Variants in CYP4X1 observed in about 807,000 individuals in gnomAD.
CYP4X1 encodes the protein cytochrome P450 4X1.
In CYP4X1, 44 loss-of-function variants were observed where a neutral mutation model predicts 57.9. The ratio of observed to expected loss-of-function variants is 0.76; its 90% CI spans 0.60 to 0.98. The LOEUF (loss-of-function observed/expected upper bound fraction) is 0.98, where lower values mean the gene tolerates loss of function less well. CYP4X1 is among the 50% of genes least tolerant of loss of function. The pLI, the probability that CYP4X1 is intolerant of heterozygous loss-of-function variation, is 0.00. For missense variants in CYP4X1, 532 were observed against 623.9 expected (o/e 0.85, Z 1.57); for synonymous variants, 227 against 228.6 (o/e 0.99, Z 0.06).
chr1:46,976,931 C>G, the CYP4X1 span, among the ~76,000 whole-genome samples: 1 of 152,014 alleles, frequency 6.6e-6, no homozygotes, highest in African/African-American at 2.4e-5. Flanking sequence ...GCATCAACAT[C>G]AACAAAAAGG....
At chr1:47,013,446 A>G in the CYP4X1 span, among the ~76,000 whole-genome samples, 3 of 152,346 alleles carry the variant, frequency 2.0e-5, no homozygotes, top group South Asian at 4.1e-4. Flanking sequence ...TTCCTGGCAC[A>G]TAGTAAGAGT....
the CYP4X1 span, among the ~76,000 whole-genome samples, chr1:46,965,061 G>A: frequency 2.1e-4 from 32 of 152,202 alleles, no homozygotes; most frequent in African/African-American, 6.8e-4. Flanking sequence ...TAGTCTCCTG[G>A]TGTGCCATTT....
chr1:47,019,488 C>T (rs1461368155), upstream of CYP4X1, among the ~76,000 whole-genome samples: 2 of 152,254 alleles, frequency 1.3e-5, no homozygotes, highest in Admixed American at 6.5e-5. Flanking sequence ...TATAAGGGCA[C>T]TGGCTCTATC....
At chr1:46,999,755 CT>C in the CYP4X1 span, among the ~76,000 whole-genome samples, 90,496 of 147,206 alleles carry the variant, frequency 0.61, 28,530 homozygotes, top group Non-Finnish European at 0.71. Context: ...AACTCTTTTT[CT>C]TTTTTTTTTT....
At position 47,046,543 on chromosome 1, in the gene CYP4X1, A is replaced by G. The variant is rs1400604766; in HGVS notation, c.1150A>G (p.Ile384Val). The G allele has an allele frequency of 4.3e-6, 7 of 1,613,992 alleles. No individual in the cohort carries two copies. The highest frequency in any genetic ancestry group is 3.3e-5 in the South Asian group (3 of 91,076). ...TCRLIPAVPS[I>V]SRDLSKPLTF... ...CCGATTGATTCCTGCAGTCCCGTCC[A>G]TTTCCAGAGATCTCAGCAAGCCACT... Residue 384 changes from isoleucine (I) to valine (V), a missense_variant, in exon 9 of 12, where the codon ATT becomes GTT. By Grantham distance (29) the Ile-to-Val change is conservative. Transcript: ENST00000371901.
chr1:46,980,533 G>A, the CYP4X1 span, among the ~76,000 whole-genome samples: 3 of 152,114 alleles, frequency 2.0e-5, no homozygotes, highest in Admixed American at 1.3e-4. Context: ...AATCAATATC[G>A]TGAAAATGGC....
At chr1:47,029,718 T>C (rs534136907) in intron 1 of CYP4X1, among the ~76,000 whole-genome samples, 2 of 152,294 alleles carry the variant, frequency 1.3e-5, no homozygotes, top group South Asian at 2.1e-4. Context: ...TCACCCTCTA[T>C]TGGGACAAGA....
intron 1 of CYP4X1, 98 bp downstream of exon 1, chr1:47,024,092 C>T (rs1644034857): frequency 1.4e-6 from 2 of 1,431,150 alleles, no homozygotes; most frequent in African/African-American, 2.8e-5. Flanking sequence ...TCTTCCATCC[C>T]TGGGGACCCT....
downstream of CYP4X1, among the ~76,000 whole-genome samples, chr1:47,051,718 A>G (rs1644361146): frequency 6.6e-6 from 1 of 152,162 alleles, no homozygotes; most frequent in African/African-American, 2.4e-5. Flanking sequence ...TTTGTTTAAC[A>G]CTGGACCAGT....
the CYP4X1 span, among the ~76,000 whole-genome samples, chr1:46,989,952 G>T: frequency 2.6e-5 from 4 of 152,182 alleles, no homozygotes; most frequent in African/African-American, 9.7e-5. Flanking sequence ...AACTCTAGAA[G>T]AAAACCTAGG....
chr1:46,991,038 T>TAA, the CYP4X1 span, among the ~76,000 whole-genome samples: 2 of 138,724 alleles, frequency 1.4e-5, no homozygotes, highest in Admixed American at 7.3e-5. Context: ...TCCCAGAACT[T>TAA]AAAAAAAAAA....
chr1:47,028,169 T>C (rs1644090071), intron 1 of CYP4X1, among the ~76,000 whole-genome samples: 1 of 152,206 alleles, frequency 6.6e-6, no homozygotes, highest in Non-Finnish European at 1.5e-5. Flanking sequence ...TGCAAGTGTG[T>C]GTGTGTATGT....
the CYP4X1 span, among the ~76,000 whole-genome samples, chr1:47,015,272 G>A: frequency 2.6e-5 from 4 of 152,172 alleles, no homozygotes; most frequent in Non-Finnish European, 4.4e-5. Flanking sequence ...TTACCTCCAG[G>A]ATGTTGACTG....
chr1:46,993,603 T>C, the CYP4X1 span, among the ~76,000 whole-genome samples: 6 of 152,224 alleles, frequency 3.9e-5, no homozygotes, highest in African/African-American at 1.4e-4. Context: ...TGTTGTTTCC[T>C]GACTTTTTAA....
intron 10 of CYP4X1, 36 bp downstream of exon 10, chr1:47,048,665 A>G (rs1557612353): frequency 6.3e-7 from 1 of 1,581,434 alleles, no homozygotes; most frequent in Non-Finnish European, 8.6e-7. Flanking sequence ...ACTTCCAAGA[A>G]CTAATGCTGT....
At chr1:47,027,509 G>T (rs949211851) in intron 1 of CYP4X1, among the ~76,000 whole-genome samples, 1 of 152,120 alleles carries the variant, frequency 6.6e-6, no homozygotes, top group African/African-American at 2.4e-5. Context: ...AACATTTCAA[G>T]TCTCTTCAAG....
intron 8 of CYP4X1, among the ~76,000 whole-genome samples, chr1:47,045,609 G>A (rs1337988343): frequency 6.6e-6 from 1 of 152,170 alleles, no homozygotes; most frequent in Non-Finnish European, 1.5e-5. Context: ...TTACTGACTA[G>A]CTCCCCAATA....
chr1:47,003,961 G>C, the CYP4X1 span, among the ~76,000 whole-genome samples: 2 of 152,154 alleles, frequency 1.3e-5, no homozygotes, highest in African/African-American at 4.8e-5. Flanking sequence ...CCAAGAAAAT[G>C]GGGTCTGGAG....
chr1:46,973,986 T>A, the CYP4X1 span, among the ~76,000 whole-genome samples: 1 of 152,138 alleles, frequency 6.6e-6, no homozygotes, highest in East Asian at 1.9e-4. Context: ...GCTTTTGTTT[T>A]TCAAGTTTCT....
Sources: allele counts gnomAD v4.1 joint callset (sites outside exome capture counted in the v4.1 genomes callset), GRCh38; gene constraint gnomAD v4.1.1; transcripts MANE v1.5; gene names NCBI Gene and HGNC (gene_info 2026-07-23, HGNC 2026-07-21).